The following CAB39 variants were observed in gnomAD, a reference collection of about 807,000 sequenced individuals.
CAB39 encodes the protein calcium-binding protein 39.
In CAB39, 8 loss-of-function variants were observed where a neutral mutation model predicts 40.0. The ratio of observed to expected loss-of-function variants is 0.20; its 90% CI spans 0.12 to 0.36. CAB39 has a LOEUF of 0.36. Ranked by LOEUF, CAB39 falls within the 10% of genes least tolerant of loss-of-function variation. CAB39 has a pLI of 1.00. For synonymous variants in CAB39, 156 were observed against 141.6 expected (o/e 1.10, Z -0.72); for missense variants, 270 against 401.1 (o/e 0.67, Z 2.79).
intron 1 of CAB39, among the ~76,000 whole-genome samples, chr2:230,727,950 T>C (rs1694616126): frequency 1.3e-5 from 2 of 152,140 alleles, no homozygotes; most frequent in Admixed American, 1.3e-4. Flanking sequence ...GTTACAAAAC[T>C]AGCCCAGGCC....
chr2:230,713,661 C>T (rs1162455154), intron 1 of CAB39: 1 of 152,318 alleles, frequency 6.6e-6, no homozygotes, highest in Non-Finnish European at 1.5e-5. Context: ...CAGATACCAG[C>T]TTTGTGACCA....
intron 1 of CAB39, among the ~76,000 whole-genome samples, chr2:230,727,723 T>C (rs1413136407): frequency 6.6e-6 from 1 of 152,000 alleles, no homozygotes; most frequent in Non-Finnish European, 1.5e-5. Flanking sequence ...CCTTAACTCA[T>C]GGAATATATT....
At chr2:230,795,064 C>G (rs6436973) in intron 4 of CAB39, among the ~76,000 whole-genome samples, 22,666 of 152,038 alleles carry the variant, frequency 0.15, 2,546 homozygotes, top group African/African-American at 0.32. Context: ...TCACTTGAGT[C>G]CAGGAGTTTG....
chr2:230,740,850 A>T (rs1694864209), intron 1 of CAB39, among the ~76,000 whole-genome samples: 1 of 152,226 alleles, frequency 6.6e-6, no homozygotes, highest in African/African-American at 2.4e-5. Flanking sequence ...ACAATGGTTG[A>T]AGATGGGGCT....
intron 1 of CAB39, among the ~76,000 whole-genome samples, chr2:230,727,362 C>T (rs1186185244): frequency 2.0e-5 from 2 of 101,822 alleles, no homozygotes; most frequent in African/African-American, 9.9e-5. Context: ...AGATTGTTAA[C>T]CGTGTGTGTG....
chr2:230,773,314 ATGTGTG>A lies in CAB39; in HGVS notation c.114+13229_114+13234del, dbSNP rs71052549. Among the ~76,000 whole-genome samples, 173 of 132,680 alleles carry A rather than the reference ATGTGTG, an allele frequency of 1.3e-3. 1 individual carries two copies. Among genetic ancestry groups the A allele is most frequent in the Admixed American group, 1.9e-3 (25 of 13,086 alleles). The allele number at this position is 132,680 out of a possible 152,430, so 87.0% of individuals were successfully genotyped here. ...GGTGTATGTGTATATATATATATAT[ATGTGTG>A]TGTGTGTGTGTGTGTGTGTGTGTGT... On this transcript the variant is annotated intron_variant, in intron 2 of 8. Transcript: ENST00000258418.
At chr2:230,771,483 C>T (rs1278313505) in intron 2 of CAB39, among the ~76,000 whole-genome samples, 1 of 152,078 alleles carries the variant, frequency 6.6e-6, no homozygotes, top group Admixed American at 6.6e-5. Context: ...GAGAAATTAG[C>T]CCAAATAAGC....
chr2:230,733,315 T>C (rs1694728425), intron 1 of CAB39, among the ~76,000 whole-genome samples: 1 of 152,070 alleles, frequency 6.6e-6, no homozygotes, highest in Non-Finnish European at 1.5e-5. Context: ...CCTCCTCTCA[T>C]TTTTTTGGTG....
chr2:230,791,912 A>G (rs1031329305), intron 3 of CAB39, among the ~76,000 whole-genome samples: 1 of 151,938 alleles, frequency 6.6e-6, no homozygotes, highest in Non-Finnish European at 1.5e-5. Flanking sequence ...TGCCTCTTTA[A>G]CTCTTTGTCA....
chr2:230,798,693 T>C (rs747256017), intron 4 of CAB39, 36 bp from the exon 5 acceptor site: 33 of 1,550,576 alleles, frequency 2.1e-5, no homozygotes, highest in Non-Finnish European at 2.7e-5. Context: ...AAAGCAATCA[T>C]GTTTGGTTTG....
chr2:230,805,847 T>G lies in CAB39; in HGVS notation c.568-4416T>G, dbSNP rs1696183454. On this transcript the variant is annotated intron_variant, in intron 5 of 8. Coordinates refer to ENST00000258418, the MANE Select transcript of CAB39 (RefSeq NM_016289.4). ...ATTGCCGTCACCCTGCAGAGAAACT[T>G]CTAGCGAATTTCCACGGGGCTTTCC... Among the ~76,000 whole-genome samples, 3 of 152,242 alleles carry G rather than the reference T, an allele frequency of 2.0e-5. No homozygotes were observed. The South Asian group carries it at 6.2e-4, about 32-fold the overall frequency.
intron 1 of CAB39, among the ~76,000 whole-genome samples, chr2:230,750,572 AT>A (rs61519274): frequency 2.0e-5 from 3 of 148,620 alleles, no homozygotes; most frequent in Non-Finnish European, 3.0e-5. Flanking sequence ...CACATCTTTT[AT>A]TTTTTTTTTA....
intron 2 of CAB39, among the ~76,000 whole-genome samples, chr2:230,785,914 C>T (rs1028120221): frequency 7.9e-5 from 12 of 151,478 alleles, no homozygotes; most frequent in African/African-American, 2.9e-4. Context: ...CCTGTAATCC[C>T]AGCACTTTGG....
At chr2:230,714,643 T>C (rs1694317288) in intron 1 of CAB39, among the ~76,000 whole-genome samples, 2 of 152,236 alleles carry the variant, frequency 1.3e-5, no homozygotes, top group Non-Finnish European at 2.9e-5. Context: ...ATTGATGATT[T>C]TTAAAAAATG....
At chr2:230,785,075 G>A (rs1695765399) in intron 2 of CAB39, among the ~76,000 whole-genome samples, 1 of 152,204 alleles carries the variant, frequency 6.6e-6, no homozygotes, top group Non-Finnish European at 1.5e-5. Context: ...GCCTAATTCT[G>A]TCCAGGCATG....
chr2:230,784,354 G>C (rs780155624), intron 2 of CAB39, among the ~76,000 whole-genome samples: 4 of 152,182 alleles, frequency 2.6e-5, no homozygotes, highest in Admixed American at 6.5e-5. Flanking sequence ...TTTTGAGAAG[G>C]CTGCCCAGTG....
chr2:230,732,239 G>T (rs7600560), intron 1 of CAB39, among the ~76,000 whole-genome samples: 1 of 151,956 alleles, frequency 6.6e-6, no homozygotes, highest in Non-Finnish European at 1.5e-5. Flanking sequence ...CTGCCACCAC[G>T]CGCGGCTAAT....
intron 6 of CAB39, 28 bp downstream of exon 6, chr2:230,810,350 T>C: frequency 2.4e-6 from 2 of 827,090 alleles, no homozygotes; most frequent in Non-Finnish European, 3.7e-6. Flanking sequence ...TATTTTTAAA[T>C]AATAAATTGT....
At chr2:230,806,616 T>G (rs1177810876) in intron 5 of CAB39, among the ~76,000 whole-genome samples, 1 of 152,182 alleles carries the variant, frequency 6.6e-6, no homozygotes, top group Admixed American at 6.5e-5. Flanking sequence ...GGTAGGGACC[T>G]GCCATGAGAG....
Sources: allele counts gnomAD v4.1 joint callset (sites outside exome capture counted in the v4.1 genomes callset), GRCh38; gene constraint gnomAD v4.1.1; transcripts MANE v1.5; gene names NCBI Gene and HGNC (gene_info 2026-07-23, HGNC 2026-07-21).